Variants in MDGA2 observed in about 807,000 individuals in gnomAD.
MDGA2 encodes MAM domain-containing glycosylphosphatidylinositol anchor protein 2.
Under a neutral mutation model 117.8 loss-of-function variants are expected in MDGA2, and 40 were observed. The observed-to-expected ratio is 0.34, with a 90% confidence interval of 0.26 to 0.44. The LOEUF is 0.44. Among genes scored for constraint, MDGA2 ranks in the 20% least tolerant of loss-of-function variants. The pLI is 1.00. For missense variants in MDGA2, 1,123 were observed against 1,250.6 expected, an observed-to-expected ratio of 0.90 and a Z score of 1.54; for synonymous variants, 452 against 439.0, an observed-to-expected ratio of 1.03 and a Z score of -0.37.
At chr14:47,348,357 G>C (rs146868364) in intron 1 of MDGA2, among the ~76,000 whole-genome samples, 1 of 151,804 alleles carries the variant, frequency 6.6e-6, no homozygotes, top group African/African-American at 2.4e-5. Flanking sequence ...GATTACAGGC[G>C]TGTGACACCA....
Position 46,947,616 on chromosome 14 carries a change from G to A in MDGA2, c.2089+9758C>T, listed in dbSNP as rs187998007. Among the ~76,000 whole-genome samples, 162 of 152,022 alleles carry A rather than the reference G, an allele frequency of 1.1e-3. 1 individual carries two copies. Among genetic ancestry groups the A allele is most frequent in the African/African-American group, 3.7e-3 (154 of 41,492 alleles). ...GAGATCGGATGGTTTTAAAAAAGAG[G>A]AGTTCCCCTGCACAAGCTCCCTCTC... On this transcript the variant is annotated intron_variant, in intron 9 of 16. Transcript: ENST00000399232.
At chr14:47,458,131 T>G (rs1442912773) in intron 1 of MDGA2, among the ~76,000 whole-genome samples, 1 of 152,084 alleles carries the variant, frequency 6.6e-6, no homozygotes, top group East Asian at 1.9e-4. Context: ...CATTTTTAAA[T>G]CAGGTTGTTT....
chr14:47,674,447 T>A, intron 1 of MDGA2, 70 bp downstream of exon 1: 1 of 1,351,342 alleles, frequency 7.4e-7, no homozygotes, highest in Non-Finnish European at 1.0e-6. Context: ...GCGCGAGTCG[T>A]GCATTTTCGC....
intron 10 of MDGA2, among the ~76,000 whole-genome samples, chr14:46,892,480 G>A (rs2138421088): frequency 6.6e-6 from 1 of 151,968 alleles, no homozygotes; most frequent in Middle Eastern, 3.4e-3. Flanking sequence ...AAAAGCATAA[G>A]CAGCAAAATA....
At chr14:47,150,760 C>T (rs937455377) in intron 3 of MDGA2, among the ~76,000 whole-genome samples, 1 of 151,872 alleles carries the variant, frequency 6.6e-6, no homozygotes, top group African/African-American at 2.4e-5. Flanking sequence ...CTTGTCTCTA[C>T]TAAAAATATA....
chr14:47,310,125 T>C (rs1205742306), intron 1 of MDGA2, among the ~76,000 whole-genome samples: 1 of 152,158 alleles, frequency 6.6e-6, no homozygotes, highest in Admixed American at 6.6e-5. Flanking sequence ...ATTTACACAT[T>C]GGCAGCTTCA....
intron 1 of MDGA2, among the ~76,000 whole-genome samples, chr14:47,318,345 T>A (rs1327845118): frequency 6.6e-6 from 1 of 152,174 alleles, no homozygotes; most frequent in East Asian, 1.9e-4. Context: ...CTCTGTTTAA[T>A]CCTGGCCCAA....
At chr14:47,055,012 T>C (rs980444831) in intron 7 of MDGA2, among the ~76,000 whole-genome samples, 1 of 149,082 alleles carries the variant, frequency 6.7e-6, no homozygotes, top group Admixed American at 6.7e-5. Flanking sequence ...CTTTTTTTTT[T>C]TTTTTTTCCA....
chr14:47,231,038 A>G (rs1266026348), intron 2 of MDGA2, among the ~76,000 whole-genome samples: 2 of 151,964 alleles, frequency 1.3e-5, no homozygotes, highest in African/African-American at 4.8e-5. Flanking sequence ...TCTACTGGGG[A>G]TTTTTCAATA....
Position 46,975,634 on chromosome 14 carries a change from A to G in MDGA2, c.1820-17991T>C, listed in dbSNP as rs1886427672. 2.6e-5 allele frequency among the ~76,000 whole-genome samples: 4 copies of G among 152,290 alleles called. No individual in the cohort carries two copies. The South Asian group carries it at 8.3e-4, about 32-fold the overall frequency. ...ATGATTTCACTCACATAGAGTACTT[A>G]GAGAAGTTAAACTTTTAGAGACAAA... On this transcript the variant is annotated intron_variant, in intron 8 of 16. Coordinates refer to ENST00000399232, the MANE Select transcript of MDGA2 (RefSeq NM_001113498.3).
rs1555373009 is a variant in MDGA2, at chr14:47,318,810, G to GGAAGGAAGGAAGC, written c.281-17261_281-17260insGCTTCCTTCCTTC. Reference sequence around the variant, plus strand: ...GAGGGGAGGGGGGAAAGGGAGGAAAGAAGGAAGGAAGGAAGGAAGGAAATA... The same window carrying GGAAGGAAGGAAGC: ...GAGGGGAGGGGGGAAAGGGAGGAAAGGAAGGAAGGAAGCAAGGAAGGAAGGAAGGAAGGAAATA... On this transcript the variant is annotated intron_variant, in intron 1 of 16. Coordinates refer to ENST00000399232, the MANE Select transcript of MDGA2 (RefSeq NM_001113498.3). Among the ~76,000 whole-genome samples, 401 of 150,050 alleles carry GGAAGGAAGGAAGC rather than the reference G, an allele frequency of 2.7e-3. 4 individuals are homozygous for GGAAGGAAGGAAGC. The highest frequency in any genetic ancestry group is 9.2e-3 in the African/African-American group (376 of 40,802).
intron 1 of MDGA2, among the ~76,000 whole-genome samples, chr14:47,647,166 A>G (rs190294282): frequency 1.3e-3 from 197 of 152,276 alleles, no homozygotes; most frequent in African/African-American, 4.6e-3. Flanking sequence ...TTAAGTCAGG[A>G]AGATTAAAAA....
In MDGA2 at chr14:46,882,209, G is replaced by T. The variant is rs200011964; in HGVS notation, c.2251C>A (p.Arg751Ser). 368 of 1,607,660 alleles carry T rather than the reference G, an allele frequency of 2.3e-4. 1 individual carries two copies. The highest frequency in any genetic ancestry group is 4.2e-5 in the Non-Finnish European group (50 of 1,176,766). The stretch of plus-strand genomic sequence containing the variant: ...ATTTTAATCTCCTGCTCCCACCAGC[G>T]CTGCTGTCCAGCCTGAAATCAAAAC... The part of the protein sequence containing the change: ...RLGIRQAGQQ[R>S]WWEQEIKING... The change falls in exon 11 of 17, where the codon CGC becomes AGC. Residue 751 changes from arginine (R) to serine (S), a missense_variant. Physicochemically the swap from Arg to Ser is moderately radical, Grantham distance 110 (BLOSUM62 -1). Coordinates refer to ENST00000399232, the MANE Select transcript of MDGA2 (RefSeq NM_001113498.3).
chr14:47,556,791 G>A (rs935230761), intron 1 of MDGA2, among the ~76,000 whole-genome samples: 7 of 152,166 alleles, frequency 4.6e-5, no homozygotes, highest in African/African-American at 2.4e-5. Context: ...AAACTAAAAC[G>A]TTTAATTGGT....
intron 1 of MDGA2, among the ~76,000 whole-genome samples, chr14:47,584,954 A>G (rs1003550433): frequency 3.3e-5 from 5 of 151,784 alleles, no homozygotes; most frequent in Non-Finnish European, 5.9e-5. Context: ...ATGACACTCA[A>G]TAAAGCTTTT....
intron 1 of MDGA2, among the ~76,000 whole-genome samples, chr14:47,428,751 A>G (rs909958957): frequency 2.6e-5 from 4 of 152,004 alleles, no homozygotes; most frequent in African/African-American, 7.2e-5. Flanking sequence ...TTACACATAT[A>G]TTTGTGTATA....
chr14:47,199,218 T>A (rs974483793), intron 3 of MDGA2, among the ~76,000 whole-genome samples: 1 of 151,922 alleles, frequency 6.6e-6, no homozygotes, highest in African/African-American at 2.4e-5. Flanking sequence ...CATATATATG[T>A]CATATATATA....
At chr14:47,254,025 C>T (rs1887535170) in intron 2 of MDGA2, among the ~76,000 whole-genome samples, 1 of 152,228 alleles carries the variant, frequency 6.6e-6, no homozygotes, top group Non-Finnish European at 1.5e-5. Flanking sequence ...ATGGCTGGAG[C>T]TGAAGCAGCT....
chr14:46,921,220 C>A (rs1215762266), intron 9 of MDGA2, among the ~76,000 whole-genome samples: 1 of 152,096 alleles, frequency 6.6e-6, no homozygotes, highest in South Asian at 2.1e-4. Flanking sequence ...TTTTTCCAGA[C>A]TTTTCATGTA....
Sources: gnomAD v4.1 joint callset for allele counts (sites outside exome capture counted in the v4.1 genomes callset) on GRCh38, gnomAD v4.1.1 for gene constraint, MANE v1.5 for transcripts, NCBI Gene and HGNC (gene_info 2026-07-23, HGNC 2026-07-21) for gene names.